L3MBTL4: variants seen among roughly 807,000 people sequenced by gnomAD.
L3MBTL4 encodes lethal(3)malignant brain tumor-like protein 4.
Under a neutral mutation model 84.5 loss-of-function variants are expected in L3MBTL4, and 70 were observed. That is an observed-to-expected ratio of 0.83 (90% CI 0.68 to 1.01). The LOEUF (loss-of-function observed/expected upper bound fraction) is 1.01. L3MBTL4 is among the 50% of genes least tolerant of loss of function. The pLI is 0.00. For missense variants in L3MBTL4, 715 were observed against 754.8 expected (o/e 0.95, Z 0.62); for synonymous variants, 274 against 259.8 (o/e 1.05, Z -0.52).
chr18:6,185,765 G>A (rs756203472), intron 12 of L3MBTL4, among the ~76,000 whole-genome samples: 19 of 152,090 alleles, frequency 1.2e-4, no homozygotes, highest in Admixed American at 2.0e-4. Flanking sequence ...AATCAAGACC[G>A]AGTGGTAAAG....
rs987556352 is a variant in L3MBTL4 at position 6,054,280 on chromosome 18, C to T, written c.1444+26601G>A. ...CACTTAAGTCCCCCAGAGTGCCCACCGGCTCGCATTAGGAGGCAGTGCAGG... is the reference window on the plus strand; with the variant it reads ...CACTTAAGTCCCCCAGAGTGCCCACTGGCTCGCATTAGGAGGCAGTGCAGG... On this transcript the variant is annotated intron_variant, in intron 16 of 18. Transcript: ENST00000317931. Among the ~76,000 whole-genome samples, 4 of 152,196 alleles carry T rather than the reference C, an allele frequency of 2.6e-5. 1 individual carries two copies. Among genetic ancestry groups the T allele is most frequent in the South Asian group, 4.2e-4 (2 of 4,812 alleles).
At chr18:6,203,876 G>A (rs1222464122) in intron 12 of L3MBTL4, among the ~76,000 whole-genome samples, 2 of 152,152 alleles carry the variant, frequency 1.3e-5, no homozygotes, top group Admixed American at 6.5e-5. Context: ...CCTGTACCAA[G>A]CCTTTCCAAG....
chr18:6,229,210 A>C (rs1012160873), intron 10 of L3MBTL4, among the ~76,000 whole-genome samples: 1 of 152,224 alleles, frequency 6.6e-6, no homozygotes, highest in East Asian at 1.9e-4. Flanking sequence ...ATAAACATCA[A>C]AAGTAACAGG....
rs138665995 is a variant in L3MBTL4, at chr18:5,977,545, G to A, written c.1445-7983C>T. 1.2e-4 allele frequency among the ~76,000 whole-genome samples: 19 copies of A among 152,322 alleles called. No homozygotes were observed. In the East Asian group the frequency reaches 3.1e-3, roughly 25 times the overall value. On this transcript the variant is annotated intron_variant, in intron 16 of 18. Transcript: ENST00000317931. ...TGGCAAACACAGTAGCATCCTGAGG[G>A]AATAAGTCACTTAATATGCAGGGAA... is the stretch of plus-strand genomic sequence containing the variant.
intron 16 of L3MBTL4, among the ~76,000 whole-genome samples, chr18:6,047,159 G>A (rs1478061752): frequency 6.6e-6 from 1 of 152,090 alleles, no homozygotes; most frequent in Non-Finnish European, 1.5e-5. Context: ...GGAAACTGAT[G>A]TATTCCTGGA....
At chr18:6,375,792 C>T (rs532240461) in intron 1 of L3MBTL4, among the ~76,000 whole-genome samples, 29 of 152,144 alleles carry the variant, frequency 1.9e-4, no homozygotes, top group African/African-American at 6.3e-4. Flanking sequence ...CAGACATGGG[C>T]AATAATAAAG....
chr18:6,307,038 T>A (rs1432406445), intron 3 of L3MBTL4, among the ~76,000 whole-genome samples: 1 of 152,076 alleles, frequency 6.6e-6, no homozygotes, highest in Non-Finnish European at 1.5e-5. Flanking sequence ...ACCCCATACC[T>A]TTGCTCATGC....
chr18:5,966,831 C>T (rs2052375363), intron 17 of L3MBTL4, among the ~76,000 whole-genome samples: 2 of 152,332 alleles, frequency 1.3e-5, no homozygotes, highest in South Asian at 4.1e-4. Flanking sequence ...CAATTAAGTA[C>T]TAAACTGTTT....
chr18:6,218,932 T>C (rs1055589412), intron 10 of L3MBTL4, among the ~76,000 whole-genome samples: 2 of 152,050 alleles, frequency 1.3e-5, no homozygotes, highest in Non-Finnish European at 2.9e-5. Context: ...AAATTCCTAC[T>C]TGAGACAAGA....
chr18:6,166,480 C>T (rs1262452221), intron 13 of L3MBTL4, among the ~76,000 whole-genome samples: 1 of 152,214 alleles, frequency 6.6e-6, no homozygotes, highest in Non-Finnish European at 1.5e-5. Flanking sequence ...CAAACTGTCT[C>T]TCAGACCACA....
chr18:6,105,594 T>C (rs533012550), intron 14 of L3MBTL4, among the ~76,000 whole-genome samples: 2 of 149,258 alleles, frequency 1.3e-5, no homozygotes, highest in East Asian at 4.1e-4. Context: ...AGGTCAGGAG[T>C]TTGAGAACAG....
At chr18:5,976,347 C>T (rs985497367) in intron 16 of L3MBTL4, among the ~76,000 whole-genome samples, 1 of 152,164 alleles carries the variant, frequency 6.6e-6, no homozygotes, top group Non-Finnish European at 1.5e-5. Flanking sequence ...ACGTTAAATA[C>T]GGCCAGTAGA....
chr18:6,030,187 C>G (rs748258833), intron 16 of L3MBTL4: 5 of 832,294 alleles, frequency 6.0e-6, no homozygotes, highest in Non-Finnish European at 7.2e-6. Flanking sequence ...GAAAGACACA[C>G]AAGAGAAGTA....
intron 16 of L3MBTL4, among the ~76,000 whole-genome samples, chr18:5,973,171 T>C (rs934387219): frequency 3.9e-5 from 6 of 152,196 alleles, no homozygotes; most frequent in African/African-American, 1.4e-4. Context: ...ACTCACAAAA[T>C]GTGAAATCCG....
intron 16 of L3MBTL4, among the ~76,000 whole-genome samples, chr18:6,078,639 A>C (rs143832440): frequency 1.3e-5 from 2 of 152,304 alleles, no homozygotes; most frequent in African/African-American, 4.8e-5. Context: ...GATTAGTCCC[A>C]AAGTACAGCG....
chr18:6,221,916 A>G (rs1057130970), intron 10 of L3MBTL4, among the ~76,000 whole-genome samples: 1 of 152,196 alleles, frequency 6.6e-6, no homozygotes, highest in African/African-American at 2.4e-5. Context: ...TTCTGCACAT[A>G]CAGAAGGGCC....
intron 12 of L3MBTL4, among the ~76,000 whole-genome samples, chr18:6,206,714 T>G (rs2045891292): frequency 6.6e-6 from 1 of 152,042 alleles, no homozygotes; most frequent in Admixed American, 6.5e-5. Flanking sequence ...GAAAACCAAA[T>G]AAAAAGAGGG....
At chr18:6,086,945 G>A (rs2058279672) in intron 15 of L3MBTL4, among the ~76,000 whole-genome samples, 3 of 152,144 alleles carry the variant, frequency 2.0e-5, no homozygotes, top group Admixed American at 1.3e-4. Flanking sequence ...TCGATGTCAT[G>A]AGCGAATCAG....
chr18:5,980,224 G>T (rs1437307331), intron 16 of L3MBTL4, among the ~76,000 whole-genome samples: 1 of 152,130 alleles, frequency 6.6e-6, no homozygotes, highest in Non-Finnish European at 1.5e-5. Flanking sequence ...AGGCTTATGT[G>T]CTCCCTGCAC....
Sources: allele counts gnomAD v4.1 joint callset (sites outside exome capture counted in the v4.1 genomes callset), GRCh38; gene constraint gnomAD v4.1.1; transcripts MANE v1.5; gene names NCBI Gene and HGNC (gene_info 2026-07-23, HGNC 2026-07-21).